Variants in TULP3 observed in about 807,000 individuals in gnomAD.
TULP3 encodes the protein tubby-related protein 3.
A neutral mutation model predicts 50.7 loss-of-function variants in TULP3; 38 were observed. The observed-to-expected ratio is 0.75, with a 90% confidence interval of 0.58 to 0.98. TULP3 has a LOEUF of 0.98. Among genes scored for constraint, TULP3 ranks in the 50% least tolerant of loss-of-function variants. The pLI is 0.00. For missense variants in TULP3, 550 were observed against 568.0 expected (o/e 0.97, Z 0.32); for synonymous variants, 183 against 196.6 (o/e 0.93, Z 0.58).
At chr12:2,902,949 C>T (rs2098180065) in intron 1 of TULP3, among the ~76,000 whole-genome samples, 1 of 151,488 alleles carries the variant, frequency 6.6e-6, no homozygotes, top group South Asian at 2.1e-4. Flanking sequence ...GCAACCTTCA[C>T]CTCCTGGGTT....
intron 8 of TULP3, among the ~76,000 whole-genome samples, chr12:2,937,215 TTTTTTTTTTTTTTTTTC>T: frequency 9.2e-6 from 1 of 108,928 alleles, no homozygotes; most frequent in Non-Finnish European, 1.9e-5. Context: ...TTTTTTTTTT[TTTTTTTTTTTTTTTTTC>T]TGAGGCAGAG....
rs1404191610 is a variant in TULP3, at chr12:2,916,941, A to T, written c.94-3822A>T. Among the ~76,000 whole-genome samples, 3 of 152,144 alleles carry T rather than the reference A, an allele frequency of 2.0e-5. No homozygotes were observed. In the East Asian group the frequency reaches 5.8e-4, roughly 29 times the overall value. On this transcript the variant is annotated intron_variant, in intron 2 of 10. Transcript: ENST00000448120. ...ATGAGTTTGATTTGTCTGTAAGTAG[A>T]TAGAGAGAGGCTTCCCCAGATACCT...
At chr12:2,928,634 C>T (rs754669802) in intron 4 of TULP3, among the ~76,000 whole-genome samples, 5 of 151,834 alleles carry the variant, frequency 3.3e-5, no homozygotes, top group Admixed American at 2.6e-4. Flanking sequence ...GTAAAATATG[C>T]ATCGTAACAT....
chr12:2,934,730 A>T (rs1222932490), intron 8 of TULP3, among the ~76,000 whole-genome samples, 169 bp downstream of exon 8: 1 of 152,164 alleles, frequency 6.6e-6, no homozygotes, highest in African/African-American at 2.4e-5. Flanking sequence ...TGAATTGCCA[A>T]GTTCAATTAT....
At chr12:2,925,215 G>A (rs1273304465) in intron 4 of TULP3, among the ~76,000 whole-genome samples, 2 of 152,036 alleles carry the variant, frequency 1.3e-5, no homozygotes, top group Non-Finnish European at 2.9e-5. Context: ...ATTTTAAGCT[G>A]AACAATGATA....
intron 7 of TULP3, among the ~76,000 whole-genome samples, chr12:2,933,925 G>C (rs1246316364): frequency 6.6e-6 from 1 of 152,080 alleles, no homozygotes; most frequent in Non-Finnish European, 1.5e-5. Flanking sequence ...ACCCCAGCCT[G>C]GGTAACAGAA....
chr12:2,910,797 T>TAC (rs540803747), intron 2 of TULP3, among the ~76,000 whole-genome samples: 55 of 152,172 alleles, frequency 3.6e-4, no homozygotes, highest in Middle Eastern at 6.8e-3. Context: ...AAAATTCTGT[T>TAC]ACACACACAC....
At position 2,890,910 on chromosome 12, in the gene TULP3, A is replaced by T; in HGVS notation, c.-38A>T. The T allele has an allele frequency of 5.1e-6, 8 of 1,561,314 alleles. No homozygotes were observed. Among genetic ancestry groups the T allele is most frequent in the Non-Finnish European group, 6.9e-6 (8 of 1,153,074 alleles). ...CTAGCCACTCTAGCGACGGCGGGGA[A>T]GAGTGTGTACGTGGTGGGGGCTTCC... On this transcript the variant is annotated 5_prime_UTR_variant, in exon 1 of 11. In the 5' UTR this introduces an upstream ATG that the reference lacks. Transcript: ENST00000448120.
chr12:2,925,489 A>G (rs1463338980), intron 4 of TULP3, among the ~76,000 whole-genome samples: 1 of 152,212 alleles, frequency 6.6e-6, no homozygotes, highest in Admixed American at 6.5e-5. Context: ...GTGTCTGCCT[A>G]CGTGCTAGGG....
chr12:2,930,524 C>T (rs1340653775), intron 5 of TULP3, among the ~76,000 whole-genome samples, 179 bp downstream of exon 5: 2 of 152,108 alleles, frequency 1.3e-5, no homozygotes, highest in East Asian at 1.9e-4. Context: ...CCCGGGTTCA[C>T]GCCATTCTCC....
intron 1 of TULP3, among the ~76,000 whole-genome samples, chr12:2,891,330 A>G (rs2098171850): frequency 6.6e-6 from 1 of 151,996 alleles, no homozygotes; most frequent in Admixed American, 6.5e-5. Flanking sequence ...CTCAGCTCCC[A>G]CTGCCCGGCG....
chr12:2,935,045 G>C (rs1287701165), intron 8 of TULP3, among the ~76,000 whole-genome samples: 1 of 151,896 alleles, frequency 6.6e-6, no homozygotes, highest in East Asian at 1.9e-4. Context: ...GAACTATCTA[G>C]CTCGTTCTCT....
rs372444808 is a variant in TULP3, at chr12:2,940,502, G to T, written c.*1058G>T. The T allele has an allele frequency of 6.6e-7, 1 of 1,524,876 alleles. No homozygotes were observed. The highest frequency in any genetic ancestry group is 1.2e-5 in the South Asian group (1 of 80,640). 94.5% of individuals were successfully genotyped at this position (1,524,876 alleles called of 1,614,324 possible). ...TATTACACCCCTCCACGTATTATGT[G>T]ACTCTTACACCAGTTCACCCTTCCC... is the stretch of plus-strand genomic sequence containing the variant. On this transcript the variant is annotated 3_prime_UTR_variant, in exon 11 of 11. Coordinates refer to ENST00000448120, the MANE Select transcript of TULP3 (RefSeq NM_003324.5).
rs561871948 is a variant in TULP3, at chr12:2,900,525, T to C, written c.42-9004T>C. Among the ~76,000 whole-genome samples, 9 of 152,308 alleles carry C rather than the reference T, an allele frequency of 5.9e-5. No homozygotes were observed. In the South Asian group the frequency reaches 1.7e-3, roughly 28 times the overall value. On this transcript the variant is annotated intron_variant, in intron 1 of 10. Coordinates refer to ENST00000448120, the MANE Select transcript of TULP3 (RefSeq NM_003324.5). ...GAGATGGCAAGCTTTCCTATTCTGC[T>C]ACCCTTGTCAGCTGATGTCTTGGTA...
At chr12:2,929,717 A>C (rs1457900655) in intron 4 of TULP3, among the ~76,000 whole-genome samples, 1 of 151,956 alleles carries the variant, frequency 6.6e-6, no homozygotes, top group Non-Finnish European at 1.5e-5. Flanking sequence ...CAGCCTCCTG[A>C]GTAGCTGGGA....
chr12:2,891,958 C>A (rs2098172374), intron 1 of TULP3, among the ~76,000 whole-genome samples: 1 of 151,896 alleles, frequency 6.6e-6, no homozygotes, highest in Admixed American at 6.6e-5. Context: ...CGGTGGTGCG[C>A]GCCTGTAGTT....
Position 2,891,060 on chromosome 12 carries a change from C to T in TULP3, c.41+72C>T, listed in dbSNP as rs956683453. 1.7e-4 allele frequency: 244 copies of T among 1,442,062 alleles called. 1 individual carries two copies. Among genetic ancestry groups the T allele is most frequent in the Non-Finnish European group, 2.2e-4 (242 of 1,091,244 alleles). The allele number at this position is 1,442,062 out of a possible 1,614,324, so 89.3% of individuals were successfully genotyped here. ...CGAAGCGAGAAGGCGGAGGTCCTCT[C>T]CGGGAGCCCTGCGGGGAGAGGGCGG... On this transcript the variant is annotated intron_variant, in intron 1 of 10. Transcript: ENST00000448120.
chr12:2,892,771 A>G (rs528903123), intron 1 of TULP3, among the ~76,000 whole-genome samples: 1 of 152,010 alleles, frequency 6.6e-6, no homozygotes, highest in African/African-American at 2.4e-5. Flanking sequence ...CGGCCTCCCA[A>G]AGTGCTGGGA....
At chr12:2,937,427 G>T (rs972625182) in intron 8 of TULP3, among the ~76,000 whole-genome samples, 1 of 151,582 alleles carries the variant, frequency 6.6e-6, no homozygotes, top group Non-Finnish European at 1.5e-5. Flanking sequence ...ATGTTGGCCA[G>T]GCTGGTCTCA....
Sources: allele counts gnomAD v4.1 joint callset (sites outside exome capture counted in the v4.1 genomes callset), GRCh38; gene constraint gnomAD v4.1.1; transcripts MANE v1.5; gene names NCBI Gene and HGNC (gene_info 2026-07-23, HGNC 2026-07-21).